Variants in PANK1 observed in about 807,000 individuals in gnomAD.
PANK1 encodes pantothenic acid kinase 1.
Under a neutral mutation model 40.1 loss-of-function variants are expected in PANK1, and 18 were observed. The observed-to-expected ratio is 0.45, with a 90% CI of 0.31 to 0.67. The LOEUF (loss-of-function observed/expected upper bound fraction) is 0.67. PANK1 is among the 30% of genes least tolerant of loss of function. The pLI is 0.06. For missense variants in PANK1, 457 were observed against 599.6 expected (o/e 0.76, Z 2.48); for synonymous variants, 242 against 237.7 (o/e 1.02, Z -0.17).
downstream of PANK1, chr10:89,580,479 C>T (rs1324190298): frequency 6.6e-6 from 1 of 152,214 alleles, no homozygotes; most frequent in Non-Finnish European, 1.5e-5. Flanking sequence ...GTCTCATGAA[C>T]CAGGCTCCAG....
intron 1 of PANK1, chr10:89,643,632 T>TC (rs1244862892): frequency 8.1e-7 from 1 of 1,237,070 alleles, no homozygotes; most frequent in Non-Finnish European, 1.2e-6. Context: ...CTTAACAATT[T>TC]CCCTATATCG....
chr10:89,634,732 A>G (rs1841752763), intron 1 of PANK1, among the ~76,000 whole-genome samples: 1 of 152,214 alleles, frequency 6.6e-6, no homozygotes, highest in African/African-American at 2.4e-5. Flanking sequence ...TAAGATCAAA[A>G]GAGGACACTT....
At chr10:89,596,581 G>C (rs919947280) in intron 3 of PANK1, among the ~76,000 whole-genome samples, 1 of 152,156 alleles carries the variant, frequency 6.6e-6, no homozygotes, top group African/African-American at 2.4e-5. Context: ...TCCTTAACCT[G>C]CTAACCATTA....
chr10:89,620,384 CA>C (rs1356033528), intron 1 of PANK1, among the ~76,000 whole-genome samples: 4 of 152,174 alleles, frequency 2.6e-5, no homozygotes, highest in African/African-American at 9.7e-5. Flanking sequence ...AATGCATTCC[CA>C]GGGGGAGGTC....
rs768884617 is a variant in PANK1 at position 89,645,038 on chromosome 10, G to GCTCCTCCC, written c.-155_-148dup. The GCTCCTCCC allele has an allele frequency of 2.8e-5, 44 of 1,564,718 alleles. No homozygotes were observed. The highest frequency in any genetic ancestry group is 3.8e-5 in the Non-Finnish European group (44 of 1,159,772). ...GGCGCCTGGGGATGGCGAACCCGGC[G>GCTCCTCCC]CTCCTCCCCTCCTCCTGCCGACTCC... On this transcript the variant is annotated 5_prime_UTR_variant, in exon 1 of 7. Transcript: ENST00000307534.
intron 3 of PANK1, among the ~76,000 whole-genome samples, chr10:89,595,623 C>T (rs1016216871): frequency 1.3e-5 from 2 of 151,178 alleles, no homozygotes; most frequent in East Asian, 3.9e-4. Context: ...AGTTTGAGAC[C>T]AGCCTGGTCA....
At chr10:89,614,919 G>C (rs1564629172) in intron 1 of PANK1, among the ~76,000 whole-genome samples, 1 of 152,152 alleles carries the variant, frequency 6.6e-6, no homozygotes, top group South Asian at 2.1e-4. Flanking sequence ...TTGGTTTAGG[G>C]AGAGGAAGGG....
At chr10:89,623,709 C>T (rs2133984013) in intron 1 of PANK1, among the ~76,000 whole-genome samples, 1 of 152,316 alleles carries the variant, frequency 6.6e-6, no homozygotes, top group Admixed American at 6.5e-5. Flanking sequence ...CCTAACTCAA[C>T]AACAGTTCCT....
chr10:89,624,596 G>A (rs1186251818), intron 1 of PANK1, among the ~76,000 whole-genome samples: 1 of 152,048 alleles, frequency 6.6e-6, no homozygotes, highest in Non-Finnish European at 1.5e-5. Context: ...TTTCCATAAA[G>A]CAACTTAAAT....
chr10:89,629,264 G>A (rs969425490), intron 1 of PANK1, among the ~76,000 whole-genome samples: 1 of 152,144 alleles, frequency 6.6e-6, no homozygotes, highest in African/African-American at 2.4e-5. Context: ...TGCCTTCGGG[G>A]TTATCACTGG....
At chr10:89,587,842 G>A (rs1447773865) in intron 6 of PANK1, among the ~76,000 whole-genome samples, 1 of 152,086 alleles carries the variant, frequency 6.6e-6, no homozygotes, top group African/African-American at 2.4e-5. Context: ...TATTTATGGG[G>A]TACAAAGTGA....
rs568676712 is a variant in PANK1, at chr10:89,584,425, T to C, written c.1367A>G (p.Lys456Arg). 5.0e-6 allele frequency: 8 copies of C among 1,608,248 alleles called. No homozygotes were observed. The African/African-American group carries it at 9.3e-5, about 19-fold the overall frequency. ...TCGTCTCTACTTGTCATCAGTCATT[T>C]TGAACAGTTCCAACAGTGCCCCAAC... ...GAVGALLELF[K>R]MTDDK is the part of the protein sequence containing the mutation. Residue 456 changes from lysine (K) to arginine (R), a missense_variant, in exon 7 of 7, where the codon AAA becomes AGA. Lys to Arg is a conservative substitution (Grantham distance 26). This residue lies in a region of PANK1 where 22 missense variants were observed against 24.6 expected (regional missense o/e 0.89). Coordinates refer to ENST00000307534, the MANE Select transcript of PANK1 (RefSeq NM_148977.3).
chr10:89,617,335 T>C (rs560860358), intron 1 of PANK1, among the ~76,000 whole-genome samples: 5 of 152,348 alleles, frequency 3.3e-5, no homozygotes, highest in South Asian at 2.1e-4. Context: ...AAAATGATCA[T>C]GTATGATAAC....
chr10:89,637,930 GT>G (rs56753931), intron 1 of PANK1, among the ~76,000 whole-genome samples: 120,781 of 149,622 alleles, frequency 0.81, 49,172 homozygotes, highest in South Asian at 0.93. Flanking sequence ...AAATTTTTTA[GT>G]TTTTTTTTTT....
At chr10:89,586,490 T>G (rs1276073459) in intron 6 of PANK1, among the ~76,000 whole-genome samples, 1 of 152,208 alleles carries the variant, frequency 6.6e-6, no homozygotes, top group Admixed American at 6.5e-5. Context: ...TTAGTATGAA[T>G]TTCTATCATT....
intron 3 of PANK1, among the ~76,000 whole-genome samples, chr10:89,596,928 A>G (rs2133938160): frequency 6.6e-6 from 1 of 152,308 alleles, no homozygotes; most frequent in East Asian, 1.9e-4. Context: ...TCTTCCATTG[A>G]CTTCTATAAT....
intron 2 of PANK1, among the ~76,000 whole-genome samples, chr10:89,608,252 C>T (rs1488118181): frequency 6.6e-6 from 1 of 151,896 alleles, no homozygotes; most frequent in East Asian, 1.9e-4. Context: ...AGGATGGTCT[C>T]GATCTCCTGA....
intron 1 of PANK1, among the ~76,000 whole-genome samples, chr10:89,629,202 C>T (rs531462529): frequency 2.8e-4 from 42 of 152,308 alleles, no homozygotes; most frequent in African/African-American, 9.4e-4. Context: ...TATCTACTTC[C>T]CAACACTGAT....
chr10:89,615,096 T>C (rs1256352432), intron 1 of PANK1, among the ~76,000 whole-genome samples: 1 of 151,978 alleles, frequency 6.6e-6, no homozygotes, highest in Admixed American at 6.6e-5. Flanking sequence ...TGGCTAGAGA[T>C]CCAGGAAAAG....
Sources: gnomAD v4.1 joint callset for allele counts (sites outside exome capture counted in the v4.1 genomes callset) on GRCh38, gnomAD v4.1.1 for gene constraint, gnomAD v4.1.1 regional missense constraint, MANE v1.5 for transcripts, NCBI Gene and HGNC (gene_info 2026-07-23, HGNC 2026-07-21) for gene names.